PTPRG: variants seen among roughly 807,000 people sequenced by gnomAD.
PTPRG encodes the protein receptor-type tyrosine-protein phosphatase gamma.
Under a neutral mutation model 165.3 loss-of-function variants are expected in PTPRG, and 102 were observed. The observed-to-expected ratio is 0.62, with a 90% CI of 0.53 to 0.73. The LOEUF (loss-of-function observed/expected upper bound fraction) is 0.73, where lower values mean the gene tolerates loss of function less well. Ranked by LOEUF, PTPRG falls within the 30% of genes least tolerant of loss-of-function variation. PTPRG has a pLI of 0.00. For synonymous variants in PTPRG, 675 were observed against 669.5 expected (o/e 1.01, Z -0.13); for missense variants, 1,866 against 1,861.4 (o/e 1.00, Z -0.05).
Position 62,018,800 on chromosome 3 carries a change from C to T in PTPRG, c.519+15303C>T, listed in dbSNP as rs1003097613. Reference sequence around the variant, plus strand: ...TCCCGGGGAAGCAGGAGGACCCACCCACAGTTATGGTATGGATCAGTGTAT... The same window carrying T: ...TCCCGGGGAAGCAGGAGGACCCACCTACAGTTATGGTATGGATCAGTGTAT... On this transcript the variant is annotated intron_variant, in intron 4 of 29. Transcript: ENST00000474889. Among the ~76,000 whole-genome samples the T allele has an allele frequency of 3.3e-5, 5 of 152,128 alleles. No individual in the cohort carries two copies. The East Asian group carries it at 5.8e-4, about 18-fold the overall frequency.
intron 2 of PTPRG, among the ~76,000 whole-genome samples, chr3:61,853,832 T>G (rs2037031776): frequency 6.6e-6 from 1 of 152,218 alleles, no homozygotes; most frequent in African/African-American, 2.4e-5. Flanking sequence ...TGGGGTGAGC[T>G]GTTTTCCTTC....
chr3:62,003,637 T>C (rs1220955105), intron 4 of PTPRG, 140 bp downstream of exon 4: 4 of 1,073,990 alleles, frequency 3.7e-6, no homozygotes, highest in Non-Finnish European at 5.2e-6. Flanking sequence ...CCTTTATCCA[T>C]AGTATGGCAG....
At chr3:61,785,059 G>GA (rs976982541) in intron 2 of PTPRG, among the ~76,000 whole-genome samples, 1 of 152,096 alleles carries the variant, frequency 6.6e-6, no homozygotes, top group Non-Finnish European at 1.5e-5. Flanking sequence ...ATAGCTAAGG[G>GA]AAAAAAGAGG....
chr3:62,122,157 C>G (rs972341783), intron 5 of PTPRG, among the ~76,000 whole-genome samples: 9 of 152,172 alleles, frequency 5.9e-5, no homozygotes, highest in African/African-American at 2.2e-4. Context: ...AAAAACATAG[C>G]TTTACTGAGA....
At chr3:62,050,911 G>C (rs1250049148) in intron 4 of PTPRG, among the ~76,000 whole-genome samples, 1 of 152,160 alleles carries the variant, frequency 6.6e-6, no homozygotes, top group Non-Finnish European at 1.5e-5. Context: ...TTTCCGGAAA[G>C]TTCTCTATTA....
At chr3:62,103,143 GT>G (rs914281463) in intron 5 of PTPRG, among the ~76,000 whole-genome samples, 15 of 144,262 alleles carry the variant, frequency 1.0e-4, no homozygotes, top group Admixed American at 2.1e-4. Context: ...TCCTCATCAA[GT>G]TTTTTTTTTA....
chr3:62,036,801 A>AT (rs11438032), intron 4 of PTPRG, among the ~76,000 whole-genome samples: 1,707 of 152,338 alleles, frequency 0.011, 36 homozygotes, highest in African/African-American at 0.038. Flanking sequence ...ATGCTAGGTA[A>AT]TTCGTACCAT....
intron 2 of PTPRG, among the ~76,000 whole-genome samples, chr3:61,852,978 C>G (rs901936266): frequency 4.6e-5 from 7 of 152,272 alleles, no homozygotes; most frequent in African/African-American, 1.4e-4. Context: ...CATGTCCCTT[C>G]CTCTTTGCAT....
intron 1 of PTPRG, among the ~76,000 whole-genome samples, chr3:61,600,910 T>C (rs993530637): frequency 6.6e-6 from 1 of 152,216 alleles, no homozygotes; most frequent in African/African-American, 2.4e-5. Context: ...GAACCTGTTT[T>C]GCAAATAAAA....
intron 2 of PTPRG, among the ~76,000 whole-genome samples, chr3:61,807,312 G>A (rs896661719): frequency 7.2e-5 from 11 of 152,320 alleles, no homozygotes; most frequent in East Asian, 1.9e-4. Flanking sequence ...TTCATCAGAC[G>A]TATAAGCAGT....
intron 1 of PTPRG, among the ~76,000 whole-genome samples, chr3:61,604,874 G>GAT (rs2106856485): frequency 6.6e-6 from 1 of 152,164 alleles, no homozygotes; most frequent in South Asian, 2.1e-4. Flanking sequence ...AGGGTGCCCT[G>GAT]ATATATATTA....
intron 2 of PTPRG, among the ~76,000 whole-genome samples, chr3:61,980,309 A>G (rs954784318): frequency 1.1e-4 from 16 of 152,320 alleles, no homozygotes; most frequent in Non-Finnish European, 2.1e-4. Flanking sequence ...AGAAAACTTC[A>G]GCAAGAGGCA....
intron 2 of PTPRG, among the ~76,000 whole-genome samples, chr3:61,778,487 G>C (rs1351467798): frequency 1.3e-5 from 2 of 152,168 alleles, no homozygotes; most frequent in Non-Finnish European, 2.9e-5. Flanking sequence ...GGTTTGCAAA[G>C]GGAGTAGCTT....
chr3:62,089,689 C>T (rs1327544044), intron 5 of PTPRG, among the ~76,000 whole-genome samples: 1 of 152,154 alleles, frequency 6.6e-6, no homozygotes, highest in Non-Finnish European at 1.5e-5. Flanking sequence ...ATTCACTCAC[C>T]TCAACAAGCT....
At chr3:61,805,713 G>T (rs972721841) in intron 2 of PTPRG, among the ~76,000 whole-genome samples, 6 of 152,024 alleles carry the variant, frequency 3.9e-5, no homozygotes, top group East Asian at 1.9e-4. Flanking sequence ...GATGTATGAT[G>T]GTATAAACTG....
chr3:61,768,557 G>A (rs2034107643), intron 2 of PTPRG, among the ~76,000 whole-genome samples: 1 of 152,190 alleles, frequency 6.6e-6, no homozygotes, highest in African/African-American at 2.4e-5. Flanking sequence ...CATTAGTTGA[G>A]GAGGCTGTTC....
At chr3:62,034,608 A>C (rs1699884218) in intron 4 of PTPRG, among the ~76,000 whole-genome samples, 1 of 152,210 alleles carries the variant, frequency 6.6e-6, no homozygotes, top group Non-Finnish European at 1.5e-5. Flanking sequence ...TATCCATTAA[A>C]ATTCTTACCA....
chr3:61,930,314 C>G (rs1485767807), intron 2 of PTPRG, among the ~76,000 whole-genome samples: 1 of 152,144 alleles, frequency 6.6e-6, no homozygotes, highest in South Asian at 2.1e-4. Flanking sequence ...TCAAGGGTGA[C>G]TTTGAAAGGT....
chr3:61,600,647 C>T (rs138991007), intron 1 of PTPRG, among the ~76,000 whole-genome samples: 1 of 152,234 alleles, frequency 6.6e-6, no homozygotes, highest in African/African-American at 2.4e-5. Flanking sequence ...TCAAGCGATC[C>T]TCCCACTTCA....
Sources: gnomAD v4.1 joint callset for allele counts (sites outside exome capture counted in the v4.1 genomes callset) on GRCh38, gnomAD v4.1.1 for gene constraint, MANE v1.5 for transcripts, NCBI Gene and HGNC (gene_info 2026-07-23, HGNC 2026-07-21) for gene names.